ANO4: variants seen among roughly 807,000 people sequenced by gnomAD.
ANO4 encodes anoctamin 4.
Under a neutral mutation model 141.9 loss-of-function variants are expected in ANO4, and 69 were observed. The observed-to-expected ratio is 0.49, with a 90% CI of 0.40 to 0.59. ANO4 has a LOEUF of 0.59. ANO4 is among the 20% of genes least tolerant of loss of function. ANO4 has a pLI of 0.00. For missense variants in ANO4, 894 were observed against 1,162.2 expected, an observed-to-expected ratio of 0.77 and a Z score of 3.36; for synonymous variants, 350 against 394.3, an observed-to-expected ratio of 0.89 and a Z score of 1.33.
chr12:101,052,983 G>T (rs1246468135), intron 14 of ANO4, among the ~76,000 whole-genome samples: 1 of 152,208 alleles, frequency 6.6e-6, no homozygotes, highest in Admixed American at 6.5e-5. Flanking sequence ...TCACTCCAGA[G>T]TCATTCCAAA....
At chr12:100,756,454 A>G (rs1005276430) in intron 3 of ANO4, among the ~76,000 whole-genome samples, 3 of 152,094 alleles carry the variant, frequency 2.0e-5, no homozygotes, top group Non-Finnish European at 4.4e-5. Context: ...GATTCAAGTG[A>G]TTCTCCTGCC....
At chr12:100,785,746 C>T (rs2033854728) in intron 3 of ANO4, among the ~76,000 whole-genome samples, 1 of 152,090 alleles carries the variant, frequency 6.6e-6, no homozygotes, top group South Asian at 2.1e-4. Context: ...GTTTTCAGCT[C>T]GTTTGGGAAG....
At chr12:101,074,426 C>T (rs1229033920) in intron 14 of ANO4, among the ~76,000 whole-genome samples, 1 of 152,192 alleles carries the variant, frequency 6.6e-6, no homozygotes, top group Non-Finnish European at 1.5e-5. Flanking sequence ...AAGAAGTCAA[C>T]AGGCAAGTAC....
intron 2 of ANO4, among the ~76,000 whole-genome samples, chr12:100,739,435 C>T (rs140561321): frequency 3.4e-4 from 51 of 152,190 alleles, no homozygotes; most frequent in African/African-American, 1.2e-3. Context: ...TGAAGTTCTG[C>T]CTCTGGAACT....
chr12:100,850,711 A>G (rs1050256823), intron 1 of ANO4, among the ~76,000 whole-genome samples: 10 of 109,968 alleles, frequency 9.1e-5, no homozygotes, highest in Non-Finnish European at 1.4e-4. Flanking sequence ...ATTCAGAACT[A>G]TATTTTGAAA....
In ANO4 at chr12:100,986,992, G is replaced by T. The variant is rs533535457; in HGVS notation, c.603-547G>T. Reference sequence around the variant, plus strand: ...CCTGCTTAAAAAGAGATCAATGAAAGCCAAAAATCCGGCTGCCTGCTGAGA... The same window carrying T: ...CCTGCTTAAAAAGAGATCAATGAAATCCAAAAATCCGGCTGCCTGCTGAGA... On this transcript the variant is annotated intron_variant, in intron 7 of 27. Transcript: ENST00000392977. The T allele has an allele frequency of 5.9e-4, 92 of 154,626 alleles. 1 individual carries two copies. Among genetic ancestry groups the T allele is most frequent in the South Asian group, 8.0e-4 (4 of 4,986 alleles). The allele number at this position is 154,626 out of a possible 1,614,324, so 9.6% of individuals were successfully genotyped here.
Position 101,097,497 on chromosome 12 carries a change from G to C in ANO4, c.1851-154G>C, listed in dbSNP as rs117209188. On this transcript the variant is annotated intron_variant, in intron 19 of 27. Transcript: ENST00000392977. ...TGCCCTGGAGAATTCCAGAAGCTAT[G>C]GTTATGACAGATCTGGAGGGTTTCC... 7.8e-4 allele frequency among the ~76,000 whole-genome samples: 118 copies of C among 152,252 alleles called. No individual in the cohort carries two copies. The East Asian group carries it at 0.015, about 19-fold the overall frequency.
intron 2 of ANO4, among the ~76,000 whole-genome samples, chr12:100,908,532 T>TA (rs2040950220): frequency 6.7e-6 from 1 of 150,110 alleles, no homozygotes; most frequent in South Asian, 2.1e-4. Flanking sequence ...ACTTGTTATT[T>TA]AAAAAAAGTA....
intron 8 of ANO4, among the ~76,000 whole-genome samples, chr12:101,003,382 G>A (rs612936): frequency 0.15 from 23,242 of 152,172 alleles, 2,102 homozygotes; most frequent in East Asian, 0.24. Flanking sequence ...CTCAGATGTG[G>A]CATATATCAC....
intron 14 of ANO4, among the ~76,000 whole-genome samples, chr12:101,049,870 A>G (rs1417642595): frequency 6.6e-6 from 1 of 152,130 alleles, no homozygotes; most frequent in African/African-American, 2.4e-5. Flanking sequence ...GTCAAACCAC[A>G]GGTTGGTGAG....
chr12:101,120,081 C>G (rs1260528999), intron 25 of ANO4, among the ~76,000 whole-genome samples: 4 of 152,188 alleles, frequency 2.6e-5, no homozygotes, highest in Non-Finnish European at 5.9e-5. Context: ...TCCCAGGCCT[C>G]AAGCAGTGTC....
chr12:101,104,627 G>GTGTA (rs1297866922), intron 22 of ANO4, among the ~76,000 whole-genome samples: 1,266 of 61,668 alleles, frequency 0.021, 9 homozygotes, highest in East Asian at 0.03. Context: ...ATGTATGTGT[G>GTGTA]TATATATATA....
chr12:100,904,534 C>A (rs2040747400), intron 2 of ANO4, among the ~76,000 whole-genome samples: 1 of 152,072 alleles, frequency 6.6e-6, no homozygotes, highest in Non-Finnish European at 1.5e-5. Flanking sequence ...AACTTCATTC[C>A]AGCAGAGGGA....
chr12:100,829,629 G>T (rs1270894085), intron 1 of ANO4, among the ~76,000 whole-genome samples: 6 of 151,938 alleles, frequency 3.9e-5, no homozygotes, highest in Non-Finnish European at 8.8e-5. Flanking sequence ...AGATATTTTT[G>T]TTACTTCTGG....
chr12:100,831,591 G>A (rs1326844427), intron 1 of ANO4, among the ~76,000 whole-genome samples: 1 of 152,104 alleles, frequency 6.6e-6, no homozygotes, highest in African/African-American at 2.4e-5. Flanking sequence ...GGTAACACAA[G>A]GCTGATGGAG....
In ANO4 at chr12:100,806,528, T is replaced by TTTTTTTG; in HGVS notation, c.-141+11507_-141+11508insGTTTTTT. ...AGGAGGTTTTTTTTTTGTTTCGTTT[T>TTTTTTTG]TTTTTTTTTTTTTTTTTTTTTTTTT... On this transcript the variant is annotated intron_variant, in intron 1 of 27. Transcript: ENST00000392977. Among the ~76,000 whole-genome samples, 7 of 29,218 alleles carry TTTTTTTG rather than the reference T, an allele frequency of 2.4e-4. 1 individual carries two copies. The highest frequency in any genetic ancestry group is 1.4e-3 in the African/African-American group (6 of 4,306). 19.2% of individuals were successfully genotyped at this position (29,218 alleles called of 152,430 possible).
chr12:100,741,152 T>A (rs142702085), intron 3 of ANO4, among the ~76,000 whole-genome samples: 18 of 152,324 alleles, frequency 1.2e-4, no homozygotes, highest in African/African-American at 4.3e-4. Context: ...AGGTTTAAAT[T>A]ATGCAAAATC....
chr12:100,905,482 T>C (rs1199650809), intron 2 of ANO4, among the ~76,000 whole-genome samples: 1 of 152,202 alleles, frequency 6.6e-6, no homozygotes, highest in Non-Finnish European at 1.5e-5. Flanking sequence ...CTAGGCTAAA[T>C]GTTATTGAAA....
At chr12:101,001,448 G>T (rs2045636301) in intron 8 of ANO4, among the ~76,000 whole-genome samples, 1 of 152,156 alleles carries the variant, frequency 6.6e-6, no homozygotes, top group South Asian at 2.1e-4. Context: ...TTTGACCCTT[G>T]CAAAAACCCT....
Sources: allele counts gnomAD v4.1 joint callset (sites outside exome capture counted in the v4.1 genomes callset), GRCh38; gene constraint gnomAD v4.1.1; transcripts MANE v1.5; gene names NCBI Gene and HGNC (gene_info 2026-07-23, HGNC 2026-07-21).